PLIN3: variants seen among roughly 807,000 people sequenced by gnomAD.
The protein encoded by PLIN3 is perilipin-3.
Under a neutral mutation model 35.9 loss-of-function variants are expected in PLIN3, and 30 were observed. The ratio of observed to expected loss-of-function variants is 0.84; its 90% CI spans 0.62 to 1.13. PLIN3 has a LOEUF of 1.13. PLIN3 is among the 50% of genes most tolerant of loss of function. The pLI, the probability that PLIN3 is intolerant of heterozygous loss-of-function variation, is 0.00. For synonymous variants in PLIN3, 261 were observed against 262.5 expected, an observed-to-expected ratio of 0.99 and a Z score of 0.06; for missense variants, 603 against 596.9, an observed-to-expected ratio of 1.01 and a Z score of -0.11.
rs1320055063 is a variant in PLIN3 at position 4,865,722 on chromosome 19, TTTTTTTTG to T, written c.-18+1879_-18+1886del. ...TCCAGATTGGGTTCTTTCCATTTTT[TTTTTTTTG>T]TTTTTTTTTTTGAGACGGAGTCTCG... On this transcript the variant is annotated intron_variant, in intron 1 of 7. Coordinates refer to ENST00000221957, the MANE Select transcript of PLIN3 (RefSeq NM_005817.5). 6.2e-5 allele frequency among the ~76,000 whole-genome samples: 8 copies of T among 128,636 alleles called. 1 individual carries two copies. Among genetic ancestry groups the T allele is most frequent in the African/African-American group, 2.1e-4 (8 of 37,662 alleles). The allele number at this position is 128,636 out of a possible 152,430, so 84.4% of individuals were successfully genotyped here.
rs1397029788 is a variant in PLIN3, at chr19:4,860,002, G to A, written c.89C>T (p.Ala30Val). ...VQQPSVVDRV[A>V]SMPLISSTCD... ...GGTGGAGCTGATCAGAGGCATGCTG[G>A]CCACACGGTCCACCACACTGGGCTA... The change falls in exon 3 of 8, where the codon GCC becomes GTC. Residue 30 changes from alanine (A) to valine (V), a missense_variant. Physicochemically the swap from Ala to Val is moderately conservative, Grantham distance 64 (BLOSUM62 0). Coordinates refer to ENST00000221957, the MANE Select transcript of PLIN3 (RefSeq NM_005817.5). 6.2e-7 allele frequency: 1 copy of A among 1,614,064 alleles called. No homozygotes were observed. Among genetic ancestry groups the A allele is most frequent in the Admixed American group, 1.7e-5 (1 of 59,984 alleles).
chr19:4,859,974 G>C lies in PLIN3; in HGVS notation c.117C>G (p.Cys39Trp), dbSNP rs375106601. ...AGGCATAGGCTGCGGACACCATGTC[G>C]CAGGTGGAGCTGATCAGAGGCATGC... ...VASMPLISST[C>W]DMVSAAYAST... The change falls in exon 3 of 8, where the codon TGC (cysteine) becomes TGG (tryptophan). Residue 39 changes from cysteine (C) to tryptophan (W), a missense_variant. Cys to Trp is a radical substitution (Grantham distance 215). Coordinates refer to ENST00000221957, the MANE Select transcript of PLIN3 (RefSeq NM_005817.5). The C allele has an allele frequency of 2.5e-6, 4 of 1,614,006 alleles. No individual in the cohort carries two copies. The highest frequency in any genetic ancestry group is 3.4e-6 in the Non-Finnish European group (4 of 1,180,026).
intron 4 of PLIN3, among the ~76,000 whole-genome samples, chr19:4,858,116 T>C (rs1213675726): frequency 1.3e-5 from 2 of 150,282 alleles, no homozygotes; most frequent in Non-Finnish European, 3.0e-5. Context: ...CTACTAAAAA[T>C]ACAAAAATTA....
chr19:4,845,818 G>A (rs1261044316), intron 6 of PLIN3, among the ~76,000 whole-genome samples: 7 of 149,588 alleles, frequency 4.7e-5, no homozygotes, highest in African/African-American at 1.7e-4. Context: ...CAGCTACTCG[G>A]GAGGCTGAGG....
chr19:4,862,983 C>A (rs1334437003), intron 1 of PLIN3, among the ~76,000 whole-genome samples: 1 of 151,118 alleles, frequency 6.6e-6, no homozygotes, highest in East Asian at 2.0e-4. Flanking sequence ...ATAGTGAAAC[C>A]CCGTCTCTAC....
At chr19:4,862,287 C>T (rs1410280410) in intron 1 of PLIN3, among the ~76,000 whole-genome samples, 1 of 152,006 alleles carries the variant, frequency 6.6e-6, no homozygotes, top group Non-Finnish European at 1.5e-5. Flanking sequence ...TGTGCCACTA[C>T]ACCTGGCCAA....
intron 1 of PLIN3, among the ~76,000 whole-genome samples, chr19:4,864,607 G>A (rs558439709): frequency 1.6e-3 from 238 of 151,970 alleles, no homozygotes; most frequent in South Asian, 4.8e-3. Flanking sequence ...GTGAGCCACC[G>A]CACCCAGCCA....
rs2030324947 is a variant in PLIN3, at chr19:4,852,268, T to C, written c.382A>G (p.Lys128Glu). 10 of 1,605,232 alleles carry C rather than the reference T, an allele frequency of 6.2e-6. No individual in the cohort carries two copies. In the East Asian group the frequency reaches 8.9e-5, roughly 14 times the overall value. The change falls in exon 5 of 8, where the codon AAG (lysine) becomes GAG (glutamate). Residue 128 changes from lysine (K) to glutamate (E), a missense_variant. Transcript: ENST00000221957. The part of the protein sequence containing the change: ...LADTKELVSS[K>E]VSGAQEMVSS... ...ACCATCTCTTGGGCCCCCGACACCT[T>C]AGACGACACAAGCTCCTTGGTGTCC...
intron 7 of PLIN3, among the ~76,000 whole-genome samples, chr19:4,840,465 C>G (rs1185098698): frequency 6.6e-6 from 1 of 152,072 alleles, no homozygotes. Flanking sequence ...CTAAGTTGCC[C>G]AGGTCTTAAA....
Position 4,851,036 on chromosome 19 carries a change from G to A in PLIN3, c.634+980C>T, listed in dbSNP as rs113783163. On this transcript the variant is annotated intron_variant, in intron 5 of 7. Coordinates refer to ENST00000221957, the MANE Select transcript of PLIN3 (RefSeq NM_005817.5). ...AAAAATTAGTTGGGCGTGATGGTGT[G>A]TGCTTGTAGTCCCAGCTACTCGGAG... Among the ~76,000 whole-genome samples the A allele has an allele frequency of 2.7e-3, 412 of 152,246 alleles. 3 individuals carry two copies. The highest frequency in any genetic ancestry group is 2.8e-3 in the Non-Finnish European group (190 of 68,020).
chr19:4,838,542 C>T lies in PLIN3; in HGVS notation c.*650G>A, dbSNP rs1013769504. ...TGATATTCAGGGACATCGGTGTAAA[C>T]AAAGAAGTGGGATATGAACTATATC... On this transcript the variant is annotated 3_prime_UTR_variant, in exon 8 of 8. Coordinates refer to ENST00000221957, the MANE Select transcript of PLIN3 (RefSeq NM_005817.5). 6.0e-5 allele frequency: 9 copies of T among 151,236 alleles called. No individual in the cohort carries two copies. The highest frequency in any genetic ancestry group is 2.2e-4 in the African/African-American group (9 of 41,140). 9.4% of individuals were successfully genotyped at this position (151,236 alleles called of 1,614,324 possible).
In PLIN3 at chr19:4,859,675, G is replaced by A. The variant is rs560576794; in HGVS notation, c.266-3C>T. 74 of 1,613,884 alleles carry A rather than the reference G, an allele frequency of 4.6e-5. No homozygotes were observed. Among genetic ancestry groups the A allele is most frequent in the Non-Finnish European group, 5.8e-5 (69 of 1,179,780 alleles). On this transcript the variant is annotated splice_region_variant and splice_polypyrimidine_tract_variant and intron_variant, in intron 3 of 7. Coordinates refer to ENST00000221957, the MANE Select transcript of PLIN3 (RefSeq NM_005817.5). The stretch of plus-strand genomic sequence containing the variant: ...GGCGTATTCGCTGGCTGATGCAACT[G>A]CCAACAACAATTAAGACGCAAATGT...
At chr19:4,850,029 T>C (rs749369806) in intron 5 of PLIN3, among the ~76,000 whole-genome samples, 14 of 151,952 alleles carry the variant, frequency 9.2e-5, no homozygotes, top group Non-Finnish European at 1.9e-4. Flanking sequence ...CACCACAAGC[T>C]CTGCCTCCCA....
chr19:4,858,464 G>A (rs551108126), intron 4 of PLIN3, among the ~76,000 whole-genome samples: 21 of 151,152 alleles, frequency 1.4e-4, no homozygotes, highest in East Asian at 6.0e-4. Flanking sequence ...TGCAACCTCC[G>A]TCTCCTGGGT....
chr19:4,856,472 C>A (rs576146406), intron 4 of PLIN3, among the ~76,000 whole-genome samples: 3 of 151,750 alleles, frequency 2.0e-5, no homozygotes, highest in African/African-American at 7.3e-5. Flanking sequence ...GCAGGAGAAT[C>A]GCTTGAGCCC....
rs1387744124 is a variant in PLIN3 at position 4,852,237 on chromosome 19, C to T, written c.413G>A (p.Ser138Asn). Residue 138 changes from serine (S) to asparagine (N), a missense_variant, in exon 5 of 8, where the codon AGC (serine) becomes AAC (asparagine). Transcript: ENST00000221957. ...KVSGAQEMVS[S>N]AKDTVATQLS... is the part of the protein sequence containing the mutation. ...TTGGGTGGCCACCGTGTCCTTGGCG[C>T]TAGACACCATCTCTTGGGCCCCCGA... 2 of 1,609,618 alleles carry T rather than the reference C, an allele frequency of 1.2e-6. No homozygotes were observed. Among genetic ancestry groups the T allele is most frequent in the Non-Finnish European group, 1.7e-6 (2 of 1,180,016 alleles).
rs547342694 is a variant in PLIN3 at position 4,849,093 on chromosome 19, TAGCTGGGACTACATAA to T, written c.635-1219_635-1204del. Among the ~76,000 whole-genome samples, 428 of 151,270 alleles carry T rather than the reference TAGCTGGGACTACATAA, an allele frequency of 2.8e-3. 1 individual carries two copies. The highest frequency in any genetic ancestry group is 9.8e-3 in the African/African-American group (403 of 41,190). Reference sequence around the variant, plus strand: ...TATCCTTCAACCTTGGCCTCCCGAGTAGCTGGGACTACATAAAGCTGGGACTACGGCAAGACACCTG... The same window carrying T: ...TATCCTTCAACCTTGGCCTCCCGAGTAGCTGGGACTACGGCAAGACACCTG... On this transcript the variant is annotated intron_variant, in intron 5 of 7. Transcript: ENST00000221957.
chr19:4,839,321 C>T lies in PLIN3; in HGVS notation c.1176G>A (p.Glu392=), dbSNP rs2093625378. Residue 392 remains glutamate (E), a synonymous_variant, in exon 8 of 8, where the codon GAG becomes GAA. Transcript: ENST00000221957. The part of the protein sequence containing the change: ...LSSSILAQSR[E]RVASAREALD... ...GGGCCTCGCGGGCGCTGGCGACACG[C>T]TCACGGCTCTGGGCCAGAATGCTGC... 1 of 1,613,882 alleles carries T rather than the reference C, an allele frequency of 6.2e-7. No homozygotes were observed. The highest frequency in any genetic ancestry group is 8.5e-7 in the Non-Finnish European group (1 of 1,179,974).
chr19:4,858,631 C>T (rs1281845287), intron 4 of PLIN3, among the ~76,000 whole-genome samples: 5 of 151,600 alleles, frequency 3.3e-5, no homozygotes, highest in African/African-American at 4.8e-5. Flanking sequence ...ATCCGCCCAC[C>T]TCAGCCTCCC....
Sources: allele counts gnomAD v4.1 joint callset (sites outside exome capture counted in the v4.1 genomes callset), GRCh38; gene constraint gnomAD v4.1.1; transcripts MANE v1.5; gene names NCBI Gene and HGNC (gene_info 2026-07-23, HGNC 2026-07-21).